MACROD2: variants seen among roughly 807,000 people sequenced by gnomAD.
MACROD2 encodes the protein mono-ADP ribosylhydrolase 2, also known as ADP-ribose glycohydrolase MACROD2.
In MACROD2, 36 loss-of-function variants were observed where a neutral mutation model predicts 70.4. The ratio of observed to expected loss-of-function variants is 0.51; its 90% CI spans 0.39 to 0.68. MACROD2 has a LOEUF of 0.68. Ranked by LOEUF, MACROD2 falls within the 30% of genes least tolerant of loss-of-function variation. The pLI is 0.00. For synonymous variants in MACROD2, 172 were observed against 178.8 expected (o/e 0.96, Z 0.30); for missense variants, 496 against 538.4 (o/e 0.92, Z 0.78).
rs551130741 is a variant in MACROD2 at position 15,175,936 on chromosome 20, T to C, written c.419-54004T>C. 7.4e-4 allele frequency among the ~76,000 whole-genome samples: 112 copies of C among 152,288 alleles called. 1 individual carries two copies. Among genetic ancestry groups the C allele is most frequent in the African/African-American group, 2.5e-3 (105 of 41,566 alleles). Reference sequence around the variant, plus strand: ...GACTGTGGCTCCAGACCTGGGAATCTCTGCACTCTCGGAGGCCTGGGAAGC... The same window carrying C: ...GACTGTGGCTCCAGACCTGGGAATCCCTGCACTCTCGGAGGCCTGGGAAGC... On this transcript the variant is annotated intron_variant, in intron 5 of 17. Coordinates refer to ENST00000684519, the MANE Select transcript of MACROD2 (RefSeq NM_001351661.2).
intron 5 of MACROD2, among the ~76,000 whole-genome samples, chr20:14,922,933 A>C (rs549338673): frequency 6.6e-6 from 1 of 152,334 alleles, no homozygotes; most frequent in African/African-American, 2.4e-5. Context: ...AATCAAAGTA[A>C]AATAACTTAC....
intron 15 of MACROD2, among the ~76,000 whole-genome samples, chr20:16,031,809 G>A (rs2067155599): frequency 6.6e-6 from 1 of 151,966 alleles, no homozygotes; most frequent in Admixed American, 6.6e-5. Context: ...AAAATAAAAA[G>A]GCCAGACTGC....
chr20:16,043,741 G>T (rs1386749678), intron 16 of MACROD2, among the ~76,000 whole-genome samples: 1 of 152,094 alleles, frequency 6.6e-6, no homozygotes, highest in Non-Finnish European at 1.5e-5. Context: ...TACAAGGTCT[G>T]TTTTGAATTC....
chr20:15,137,767 A>G (rs1468622399), intron 5 of MACROD2, among the ~76,000 whole-genome samples: 1 of 152,172 alleles, frequency 6.6e-6, no homozygotes, highest in Non-Finnish European at 1.5e-5. Context: ...AAGTTTTTAA[A>G]AATATGCACA....
chr20:14,696,452 C>G (rs1161005005), intron 5 of MACROD2, among the ~76,000 whole-genome samples: 2 of 152,182 alleles, frequency 1.3e-5, no homozygotes, highest in African/African-American at 2.4e-5. Flanking sequence ...GGTAACTTCT[C>G]ATCCGCATAT....
chr20:16,042,578 T>C (rs895779862), intron 16 of MACROD2, among the ~76,000 whole-genome samples: 2 of 152,062 alleles, frequency 1.3e-5, no homozygotes, highest in Non-Finnish European at 2.9e-5. Flanking sequence ...GGGATGCTTT[T>C]TATTGTACCA....
chr20:14,835,548 A>T (rs1194649532), intron 5 of MACROD2, among the ~76,000 whole-genome samples: 2 of 152,078 alleles, frequency 1.3e-5, no homozygotes, highest in African/African-American at 4.8e-5. Flanking sequence ...AGGCTCTTAA[A>T]GTCTGAGTGA....
chr20:15,978,022 A>G (rs1051717947), intron 13 of MACROD2, among the ~76,000 whole-genome samples: 11 of 152,342 alleles, frequency 7.2e-5, no homozygotes, highest in African/African-American at 2.2e-4. Flanking sequence ...TATGGGATCA[A>G]TAATTTGCAG....
At chr20:15,827,561 G>A (rs544318865) in intron 8 of MACROD2, among the ~76,000 whole-genome samples, 11 of 152,210 alleles carry the variant, frequency 7.2e-5, no homozygotes, top group African/African-American at 2.2e-4. Flanking sequence ...CTATGTTTAC[G>A]TACATACCTT....
intron 4 of MACROD2, among the ~76,000 whole-genome samples, chr20:14,495,404 G>T (rs182827372): frequency 2.6e-5 from 4 of 152,286 alleles, no homozygotes; most frequent in Non-Finnish European, 1.5e-5. Flanking sequence ...TCCCAAACAT[G>T]AGTCAGTTTT....
chr20:15,162,387 A>G (rs6043117), intron 5 of MACROD2, among the ~76,000 whole-genome samples: 2,436 of 152,166 alleles, frequency 0.016, 56 homozygotes, highest in African/African-American at 0.055. Context: ...ATGTTTGCAT[A>G]AAGTTAGACA....
intron 5 of MACROD2, among the ~76,000 whole-genome samples, chr20:14,771,426 A>G (rs571311666): frequency 6.6e-6 from 1 of 152,180 alleles, no homozygotes; most frequent in South Asian, 2.1e-4. Flanking sequence ...AGTAGGTAAT[A>G]TATTTTTAAT....
intron 5 of MACROD2, among the ~76,000 whole-genome samples, chr20:14,783,617 A>G (rs1280402585): frequency 1.3e-5 from 2 of 152,120 alleles, no homozygotes; most frequent in African/African-American, 2.4e-5. Context: ...CTGTACTGGT[A>G]GTCTTCAGTT....
chr20:15,628,989 A>T (rs1198996045), intron 8 of MACROD2, among the ~76,000 whole-genome samples: 2 of 152,232 alleles, frequency 1.3e-5, no homozygotes, highest in Non-Finnish European at 2.9e-5. Context: ...TAAATATACT[A>T]CATTTTAATT....
At chr20:14,227,141 G>C (rs1286105191) in intron 3 of MACROD2, among the ~76,000 whole-genome samples, 1 of 152,092 alleles carries the variant, frequency 6.6e-6, no homozygotes, top group African/African-American at 2.4e-5. Context: ...TACTCTGGTG[G>C]GGCCTTGGAG....
intron 6 of MACROD2, among the ~76,000 whole-genome samples, chr20:15,238,938 T>G: frequency 6.6e-6 from 1 of 152,204 alleles, no homozygotes; most frequent in South Asian, 2.1e-4. Context: ...GAAATTTGTA[T>G]AGAAACAGTA....
At chr20:14,781,666 G>T (rs1431303112) in intron 5 of MACROD2, among the ~76,000 whole-genome samples, 1 of 151,412 alleles carries the variant, frequency 6.6e-6, no homozygotes, top group African/African-American at 2.4e-5. Flanking sequence ...ACATATAAAT[G>T]CACATGTAAG....
chr20:14,563,525 T>C (rs1412170899), intron 4 of MACROD2, among the ~76,000 whole-genome samples: 1 of 151,932 alleles, frequency 6.6e-6, no homozygotes, highest in Non-Finnish European at 1.5e-5. Flanking sequence ...GTTACTCTTT[T>C]TAAAAAGAAA....
chr20:14,569,796 A>G (rs1425136924), intron 4 of MACROD2, among the ~76,000 whole-genome samples: 2 of 151,966 alleles, frequency 1.3e-5, no homozygotes, highest in South Asian at 2.1e-4. Context: ...AGAGCTGTGA[A>G]AGAATTTGGA....
Sources: allele counts gnomAD v4.1 joint callset (sites outside exome capture counted in the v4.1 genomes callset), GRCh38; gene constraint gnomAD v4.1.1; transcripts MANE v1.5; gene names NCBI Gene and HGNC (gene_info 2026-07-23, HGNC 2026-07-21).